Variants in ZSWIM3 observed in about 807,000 individuals in gnomAD.
The protein encoded by ZSWIM3 is zinc finger SWIM-type containing 3.
In ZSWIM3, 27 loss-of-function variants were observed where a neutral mutation model predicts 47.5. The observed-to-expected ratio is 0.57, with a 90% confidence interval of 0.42 to 0.78. The LOEUF (loss-of-function observed/expected upper bound fraction) is 0.78, where lower values mean the gene tolerates loss of function less well. Ranked by LOEUF, ZSWIM3 falls within the 30% of genes least tolerant of loss-of-function variation. The pLI, the probability that ZSWIM3 is intolerant of heterozygous loss-of-function variation, is 0.00. For synonymous variants in ZSWIM3, 333 were observed against 333.9 expected, an observed-to-expected ratio of 1.00 and a Z score of 0.03; for missense variants, 689 against 861.3, an observed-to-expected ratio of 0.80 and a Z score of 2.50.
At chr20:45,859,828 C>T (rs1326351329) in intron 1 of ZSWIM3, among the ~76,000 whole-genome samples, 2 of 150,520 alleles carry the variant, frequency 1.3e-5, no homozygotes, top group African/African-American at 4.9e-5. Context: ...CACAGTTGCC[C>T]GTAAACACCC....
At position 45,872,767 on chromosome 20, in the gene ZSWIM3, C is replaced by T. The variant is rs1473435036; in HGVS notation, c.156-3947C>T. The T allele has an allele frequency of 4.7e-6, 6 of 1,289,402 alleles. No homozygotes were observed. The South Asian group carries it at 4.9e-5, about 11-fold the overall frequency. 79.9% of individuals were successfully genotyped at this position (1,289,402 alleles called of 1,614,324 possible). Reference sequence around the variant, plus strand: ...GGCCTCGCTGTACTACTGGACTGCTCCAGCCCTTCCTGGCCCAGAGCTAGA... The same window carrying T: ...GGCCTCGCTGTACTACTGGACTGCTTCAGCCCTTCCTGGCCCAGAGCTAGA... On this transcript the variant is annotated intron_variant, in intron 1 of 1. Transcript: ENST00000255152.
At chr20:45,871,111 T>TTGAA (rs1307475033) in intron 1 of ZSWIM3, among the ~76,000 whole-genome samples, 1 of 152,244 alleles carries the variant, frequency 6.6e-6, no homozygotes, top group African/African-American at 2.4e-5. Flanking sequence ...ATAACATGTA[T>TTGAA]TGAAGCACAG....
intron 1 of ZSWIM3, among the ~76,000 whole-genome samples, chr20:45,870,999 G>T (rs1308853379): frequency 3.3e-5 from 5 of 152,116 alleles, no homozygotes; most frequent in African/African-American, 1.2e-4. Flanking sequence ...CCAGCTACTG[G>T]AAGTCATGAT....
intron 1 of ZSWIM3, among the ~76,000 whole-genome samples, chr20:45,871,560 T>A (rs1985974168): frequency 6.6e-6 from 1 of 152,160 alleles, no homozygotes; most frequent in Non-Finnish European, 1.5e-5. Flanking sequence ...AGTCATTTGT[T>A]TAATTTCAAA....
rs918030511 is a variant in ZSWIM3 at position 45,878,782 on chromosome 20, T to C, written c.*133T>C. The C allele has an allele frequency of 1.2e-4, 140 of 1,187,456 alleles. No homozygotes were observed. The highest frequency in any genetic ancestry group is 1.5e-4 in the Non-Finnish European group (132 of 868,624). The allele number at this position is 1,187,456 out of a possible 1,614,324, so 73.6% of individuals were successfully genotyped here. Reference sequence around the variant, plus strand: ...GGTGGGGCTAGGAATATTGTTACAGTAGAGAGGAAGGGAACTCCACTGTGT... The same window carrying C: ...GGTGGGGCTAGGAATATTGTTACAGCAGAGAGGAAGGGAACTCCACTGTGT... On this transcript the variant is annotated 3_prime_UTR_variant, in exon 2 of 2. Transcript: ENST00000255152.
At chr20:45,862,061 G>C (rs577443451) in intron 1 of ZSWIM3, among the ~76,000 whole-genome samples, 3 of 151,818 alleles carry the variant, frequency 2.0e-5, no homozygotes, top group South Asian at 4.2e-4. Context: ...TTTTGTGTTT[G>C]AGTGGTTAAC....
chr20:45,861,100 C>A (rs975667734), intron 1 of ZSWIM3, among the ~76,000 whole-genome samples: 1 of 151,868 alleles, frequency 6.6e-6, no homozygotes, highest in African/African-American at 2.4e-5. Context: ...AAAATGAGAT[C>A]CCCGTCTCCA....
intron 1 of ZSWIM3, among the ~76,000 whole-genome samples, chr20:45,870,440 T>G (rs1036765138): frequency 6.6e-6 from 1 of 152,162 alleles, no homozygotes; most frequent in African/African-American, 2.4e-5. Context: ...ACAATTACCT[T>G]AATTGACTTA....
chr20:45,871,831 A>G (rs1024798678), intron 1 of ZSWIM3, among the ~76,000 whole-genome samples: 5 of 150,882 alleles, frequency 3.3e-5, no homozygotes, highest in Non-Finnish European at 5.9e-5. Flanking sequence ...ACTGCACTCC[A>G]GCCTGGGCAA....
At chr20:45,865,439 G>C (rs1985814780) in intron 1 of ZSWIM3, among the ~76,000 whole-genome samples, 1 of 152,122 alleles carries the variant, frequency 6.6e-6, no homozygotes, top group Non-Finnish European at 1.5e-5. Flanking sequence ...AGTGAGCCAA[G>C]ATCGTGCCAC....
At chr20:45,864,870 T>C (rs1288384570) in intron 1 of ZSWIM3, among the ~76,000 whole-genome samples, 1 of 150,610 alleles carries the variant, frequency 6.6e-6, no homozygotes, top group East Asian at 2.0e-4. Context: ...CAAAAAAATT[T>C]TTGAAAATAA....
intron 1 of ZSWIM3, among the ~76,000 whole-genome samples, chr20:45,865,412 C>T (rs983968590): frequency 2.0e-5 from 3 of 151,762 alleles, no homozygotes; most frequent in African/African-American, 4.8e-5. Flanking sequence ...GGCGTGAACC[C>T]GGGAGGCGGA....
At chr20:45,868,110 A>G (rs1361864350) in intron 1 of ZSWIM3, among the ~76,000 whole-genome samples, 1 of 152,224 alleles carries the variant, frequency 6.6e-6, no homozygotes, top group Non-Finnish European at 1.5e-5. Flanking sequence ...ATGAAGAGAT[A>G]CATTAAGCAT....
intron 1 of ZSWIM3, among the ~76,000 whole-genome samples, chr20:45,859,506 T>C (rs1045865005): frequency 6.6e-6 from 1 of 151,534 alleles, no homozygotes; most frequent in Non-Finnish European, 1.5e-5. Flanking sequence ...CACACTGGAA[T>C]TGATGGTTTC....
At chr20:45,859,789 A>G (rs1379343453) in intron 1 of ZSWIM3, among the ~76,000 whole-genome samples, 2 of 133,322 alleles carry the variant, frequency 1.5e-5, no homozygotes, top group Non-Finnish European at 3.2e-5. Context: ...AATGAGAGGA[A>G]TACAAAAAAA....
chr20:45,877,462 C>T lies in ZSWIM3; in HGVS notation c.904C>T (p.Arg302Cys), dbSNP rs767239922. The stretch of plus-strand genomic sequence containing the variant: ...CCTGCAGGAGATCTTTCCTGCTGCC[C>T]GCATCCTCCTTTCCATCTACCACAC... ...AILQEIFPAA[R>C]ILLSIYHTTR... is the part of the protein sequence containing the mutation. The change falls in exon 2 of 2, where the codon CGC (arginine) becomes TGC (cysteine). Residue 302 changes from arginine (R) to cysteine (C), a missense_variant. Coordinates refer to ENST00000255152, the MANE Select transcript of ZSWIM3 (RefSeq NM_080752.4). 1.5e-5 allele frequency: 24 copies of T among 1,614,024 alleles called. No individual in the cohort carries two copies. The highest frequency in any genetic ancestry group is 1.7e-5 in the Non-Finnish European group (20 of 1,180,038).
chr20:45,873,124 G>C (rs866320579), intron 1 of ZSWIM3, among the ~76,000 whole-genome samples: 2 of 151,958 alleles, frequency 1.3e-5, no homozygotes, highest in East Asian at 3.9e-4. Flanking sequence ...CTGCTGAGCC[G>C]GGCGCAGTTG....
intron 1 of ZSWIM3, among the ~76,000 whole-genome samples, chr20:45,863,985 G>A (rs538246821): frequency 1.7e-3 from 258 of 152,308 alleles, no homozygotes; most frequent in African/African-American, 5.7e-3. Context: ...GCAGCAGAGC[G>A]AGACTCTGTC....
intron 1 of ZSWIM3, among the ~76,000 whole-genome samples, chr20:45,863,985 G>C (rs538246821): frequency 6.6e-6 from 1 of 152,190 alleles, no homozygotes; most frequent in South Asian, 2.1e-4. Context: ...GCAGCAGAGC[G>C]AGACTCTGTC....
Sources: allele counts gnomAD v4.1 joint callset (sites outside exome capture counted in the v4.1 genomes callset), GRCh38; gene constraint gnomAD v4.1.1; transcripts MANE v1.5; gene names NCBI Gene and HGNC (gene_info 2026-07-23, HGNC 2026-07-21).